NELL1: variants seen among roughly 807,000 people sequenced by gnomAD.
NELL1 encodes the protein protein kinase C-binding protein NELL1.
A neutral mutation model predicts 107.4 loss-of-function variants in NELL1; 76 were observed. The observed-to-expected ratio is 0.71, with a 90% CI of 0.59 to 0.86. NELL1 has a LOEUF of 0.86. Ranked by LOEUF, NELL1 falls within the 40% of genes least tolerant of loss-of-function variation. The pLI is 0.00. For synonymous variants in NELL1, 353 were observed against 341.2 expected, an observed-to-expected ratio of 1.03 and a Z score of -0.38; for missense variants, 1,024 against 1,005.5, an observed-to-expected ratio of 1.02 and a Z score of -0.25.
rs574987285 is a variant in NELL1, at chr11:20,752,979, A to G, written c.185-30701A>G. 2.6e-5 allele frequency among the ~76,000 whole-genome samples: 4 copies of G among 152,324 alleles called. No individual in the cohort carries two copies. The South Asian group carries it at 8.3e-4, about 32-fold the overall frequency. On this transcript the variant is annotated intron_variant, in intron 2 of 19. Coordinates refer to ENST00000357134, the MANE Select transcript of NELL1 (RefSeq NM_006157.5). The stretch of plus-strand genomic sequence containing the variant: ...TAACATTAACAGATGACACACACAC[A>G]CACTTTTCCTTATTTGATTCAATTT...
At chr11:20,809,844 G>C (rs1249298877) in intron 3 of NELL1, among the ~76,000 whole-genome samples, 1 of 152,086 alleles carries the variant, frequency 6.6e-6, no homozygotes, top group East Asian at 1.9e-4. Context: ...ATATCTCTTT[G>C]ACATACTGAT....
chr11:20,912,696 G>T (rs764165101), intron 5 of NELL1, among the ~76,000 whole-genome samples: 1 of 152,052 alleles, frequency 6.6e-6, no homozygotes, highest in Non-Finnish European at 1.5e-5. Context: ...GGACATCACT[G>T]TCTCCTCTAA....
chr11:21,200,471 G>A (rs7127491), intron 13 of NELL1, among the ~76,000 whole-genome samples: 8,339 of 151,698 alleles, frequency 0.055, 717 homozygotes, highest in African/African-American at 0.19. Context: ...CATATCCTTC[G>A]CTCACTTTTT....
intron 4 of NELL1, among the ~76,000 whole-genome samples, chr11:20,864,034 C>T (rs986593510): frequency 1.3e-5 from 2 of 152,078 alleles, no homozygotes; most frequent in Non-Finnish European, 1.5e-5. Context: ...GGCAGGGAGG[C>T]TGCAGTGAGC....
At chr11:21,564,802 G>A (rs1856932286) in intron 17 of NELL1, among the ~76,000 whole-genome samples, 1 of 151,886 alleles carries the variant, frequency 6.6e-6, no homozygotes, top group African/African-American at 2.4e-5. Flanking sequence ...CCGTGGAAAG[G>A]AAAGTCAAAG....
chr11:20,928,468 A>G lies in NELL1; in HGVS notation c.986A>G (p.Lys329Arg). The change falls in exon 9 of 20, where the codon AAG (lysine) becomes AGG (arginine). Residue 329 changes from lysine to arginine, a missense_variant. Lys to Arg is a conservative substitution (Grantham distance 26). Coordinates refer to ENST00000357134, the MANE Select transcript of NELL1 (RefSeq NM_006157.5). ...GTGCACATTGCTGGCCAGTGCTGTAAGGTCTGCCGACGTAAGTACTGACTG... is the reference window on the plus strand; with the variant it reads ...GTGCACATTGCTGGCCAGTGCTGTAGGGTCTGCCGACGTAAGTACTGACTG... ...LPVHIAGQCC[K>R]VCRPKCIYGG... is the part of the protein sequence containing the mutation. The G allele has an allele frequency of 6.2e-7, 1 of 1,613,576 alleles. No individual in the cohort carries two copies. Among genetic ancestry groups the G allele is most frequent in the South Asian group, 1.1e-5 (1 of 91,064 alleles).
At chr11:21,116,428 C>G (rs1030676030) in intron 13 of NELL1, among the ~76,000 whole-genome samples, 2 of 151,914 alleles carry the variant, frequency 1.3e-5, no homozygotes, top group Admixed American at 6.6e-5. Flanking sequence ...GTCAACAACT[C>G]CTAAATGTAT....
intron 12 of NELL1, among the ~76,000 whole-genome samples, chr11:21,042,090 A>G (rs547389658): frequency 1.3e-5 from 2 of 152,376 alleles, no homozygotes; most frequent in South Asian, 4.1e-4. Flanking sequence ...TCATTTATGA[A>G]TCAAGTCTAC....
At chr11:21,205,033 T>C (rs1380892044) in intron 13 of NELL1, among the ~76,000 whole-genome samples, 1 of 152,162 alleles carries the variant, frequency 6.6e-6, no homozygotes, top group Non-Finnish European at 1.5e-5. Context: ...ATCTCCTGTA[T>C]GAGGTGTCTT....
At chr11:21,293,744 T>C (rs768956321) in intron 14 of NELL1, among the ~76,000 whole-genome samples, 1 of 152,166 alleles carries the variant, frequency 6.6e-6, no homozygotes, top group Non-Finnish European at 1.5e-5. Context: ...TGGAATACTA[T>C]GCAGCCATGA....
chr11:21,467,494 T>C (rs1359128201), intron 15 of NELL1, among the ~76,000 whole-genome samples: 1 of 152,072 alleles, frequency 6.6e-6, no homozygotes, highest in Non-Finnish European at 1.5e-5. Flanking sequence ...TAAGAAAAAG[T>C]GTTGGCACTA....
chr11:20,755,533 G>GTTTTTT (rs1564894850), intron 2 of NELL1, among the ~76,000 whole-genome samples: 5 of 60,624 alleles, frequency 8.2e-5, no homozygotes, highest in African/African-American at 2.1e-4. Flanking sequence ...GACCTGTGTG[G>GTTTTTT]GTTTTTGTTT....
intron 2 of NELL1, among the ~76,000 whole-genome samples, chr11:20,759,187 AACT>A (rs1856363826): frequency 6.6e-6 from 1 of 152,190 alleles, no homozygotes; most frequent in South Asian, 2.1e-4. Flanking sequence ...CTTTTAACTC[AACT>A]CTTACATTAA....
intron 19 of NELL1, 111 bp from the exon 20 acceptor site, chr11:21,574,861 T>A: frequency 1.2e-6 from 1 of 849,430 alleles, no homozygotes; most frequent in Non-Finnish European, 1.9e-6. Flanking sequence ...TTTTATAGCC[T>A]TCTTGAAGTT....
Position 21,204,724 on chromosome 11 carries a change from G to C in NELL1, c.1427-24608G>C, listed in dbSNP as rs933238664. 5.9e-5 allele frequency among the ~76,000 whole-genome samples: 9 copies of C among 152,010 alleles called. No homozygotes were observed. In the South Asian group the frequency reaches 6.2e-4, roughly 11 times the overall value. ...TTTCTGGAATTTTCAGTCTTTTTAC[G>C]CTGGTTTCTCCCCCATCTTTGTGTA... is the stretch of plus-strand genomic sequence containing the variant. On this transcript the variant is annotated intron_variant, in intron 13 of 19. Coordinates refer to ENST00000357134, the MANE Select transcript of NELL1 (RefSeq NM_006157.5).
At chr11:21,430,453 G>C (rs978782634) in intron 15 of NELL1, among the ~76,000 whole-genome samples, 1 of 151,988 alleles carries the variant, frequency 6.6e-6, no homozygotes, top group Non-Finnish European at 1.5e-5. Context: ...AGACACTTTA[G>C]CCATTTTATC....
At chr11:21,151,154 A>G (rs1856107080) in intron 13 of NELL1, among the ~76,000 whole-genome samples, 1 of 152,066 alleles carries the variant, frequency 6.6e-6, no homozygotes, top group African/African-American at 2.4e-5. Flanking sequence ...CATATCAGGT[A>G]TTTTTCCCAG....
At chr11:20,965,591 C>A (rs1405659324) in intron 12 of NELL1, among the ~76,000 whole-genome samples, 2 of 152,102 alleles carry the variant, frequency 1.3e-5, no homozygotes, top group Non-Finnish European at 2.9e-5. Context: ...TGGAAAAACA[C>A]AAGTGGAATT....
chr11:20,937,987 G>A (rs1880085), intron 10 of NELL1, 128 bp downstream of exon 10: 543,085 of 789,620 alleles, frequency 0.69, 192,140 homozygotes, highest in Non-Finnish European at 0.74. Context: ...ACTCTCTGCG[G>A]TGGGTTGGAT....
Sources: gnomAD v4.1 joint callset for allele counts (sites outside exome capture counted in the v4.1 genomes callset) on GRCh38, gnomAD v4.1.1 for gene constraint, MANE v1.5 for transcripts, NCBI Gene and HGNC (gene_info 2026-07-23, HGNC 2026-07-21) for gene names.